PUDP: variants seen among roughly 807,000 people sequenced by gnomAD.
The protein encoded by PUDP is pseudouridine-5'-phosphatase.
In PUDP, 8 loss-of-function variants were observed where a neutral mutation model predicts 9.4. The observed-to-expected ratio is 0.85, with a 90% CI of 0.50 to 1.53. The LOEUF is 1.53. PUDP is among the 40% of genes most tolerant of loss of function. PUDP has a pLI of 0.00. For synonymous variants in PUDP, 99 were observed against 80.7 expected, an observed-to-expected ratio of 1.23 and a Z score of -1.22; for missense variants, 188 against 189.7, an observed-to-expected ratio of 0.99 and a Z score of 0.05.
intron 3 of PUDP, among the ~76,000 whole-genome samples, chrX:6,918,068 T>A (rs188739467): frequency 1.5e-4 from 17 of 112,130 alleles, no homozygotes; most frequent in Admixed American, 1.3e-3. Flanking sequence ...CTTGCCTCCA[T>A]AACATTTCCT....
intron 3 of PUDP, among the ~76,000 whole-genome samples, chrX:6,974,526 T>G (rs1423494012): frequency 8.9e-6 from 1 of 112,239 alleles, no homozygotes; most frequent in African/African-American, 3.2e-5. Flanking sequence ...TTTAAGAATG[T>G]TGAATATTGG....
intron 3 of PUDP, among the ~76,000 whole-genome samples, chrX:6,928,883 A>T (rs1928147444): frequency 9.0e-6 from 1 of 111,704 alleles, no homozygotes; most frequent in African/African-American, 3.3e-5. Flanking sequence ...CCTGGGTGAA[A>T]GAGCAAGACC....
At chrX:7,059,771 TG>T (rs2146845969) in intron 3 of PUDP, among the ~76,000 whole-genome samples, 1 of 112,116 alleles carries the variant, frequency 8.9e-6, no homozygotes, top group Admixed American at 9.4e-5. Flanking sequence ...AGCACAGCGA[TG>T]TTTGCCTGCT....
chrX:6,713,818 A>G (rs1924563198), intron 1 of PUDP, among the ~76,000 whole-genome samples: 2 of 111,252 alleles, frequency 1.8e-5, no homozygotes, highest in African/African-American at 6.5e-5. Flanking sequence ...GGAAAAGTGA[A>G]GAGCACAGCT....
intron 1 of PUDP, among the ~76,000 whole-genome samples, chrX:7,007,473 A>G (rs754911897): frequency 8.9e-6 from 1 of 112,779 alleles, no homozygotes; most frequent in East Asian, 2.8e-4. Context: ...CAATATAAGT[A>G]AAACACCAGC....
At chrX:6,777,984 C>T (rs1264277931) in intron 3 of PUDP, among the ~76,000 whole-genome samples, 1 of 111,753 alleles carries the variant, frequency 8.9e-6, no homozygotes, top group African/African-American at 3.3e-5. Context: ...TTAATAGCTT[C>T]GAAAGATACC....
At chrX:6,794,664 G>A (rs752545765) in intron 3 of PUDP, among the ~76,000 whole-genome samples, 12 of 107,247 alleles carry the variant, frequency 1.1e-4, no homozygotes, top group East Asian at 2.9e-4. Flanking sequence ...TCTGCCTCCC[G>A]GGCTCAAGCC....
chrX:7,048,504 T>C (rs916347109), downstream of PUDP, among the ~76,000 whole-genome samples: 8 of 112,362 alleles, frequency 7.1e-5, no homozygotes, highest in African/African-American at 2.6e-4. Flanking sequence ...AGCATCAGTG[T>C]GTGTCCTTTG....
intron 3 of PUDP, among the ~76,000 whole-genome samples, chrX:7,063,027 C>T (rs967881523): frequency 9.1e-6 from 1 of 109,294 alleles, no homozygotes; most frequent in African/African-American, 3.3e-5. Flanking sequence ...ATTAAGATGG[C>T]CTCATGCAAA....
chrX:6,895,929 G>A (rs1381956784), intron 3 of PUDP, among the ~76,000 whole-genome samples: 1 of 110,428 alleles, frequency 9.1e-6, no homozygotes, highest in Non-Finnish European at 1.9e-5. Context: ...GAGCTCTGTG[G>A]GGTCTCTTTT....
chrX:6,944,282 T>C lies in PUDP; in HGVS notation c.*247+32851A>G, dbSNP rs756213048. On this transcript the variant is annotated intron_variant and NMD_transcript_variant, in intron 3 of 3. Transcript: ENST00000655425. ...CTTGCTTCCTCTTTGCCTTCTGCCA[T>C]GATTGTAAGTTTTCTGAGGCCTCCC... Among the ~76,000 whole-genome samples the C allele has an allele frequency of 3.6e-5, 4 of 111,933 alleles. No homozygotes were observed. In the Admixed American group the frequency reaches 3.8e-4, roughly 11 times the overall value.
At chrX:6,791,427 C>T (rs1267944806) in intron 3 of PUDP, among the ~76,000 whole-genome samples, 1 of 110,828 alleles carries the variant, frequency 9.0e-6, no homozygotes, top group Non-Finnish European at 1.9e-5. Flanking sequence ...AGTCTGAATC[C>T]ACAGACCTGC....
At chrX:6,989,569 T>G (rs1013407225) in intron 1 of PUDP, 2 of 133,411 alleles carry the variant, frequency 1.5e-5, no homozygotes, top group African/African-American at 6.3e-5. Context: ...AATGAAGAAG[T>G]CTTATGCCAT....
intron 3 of PUDP, among the ~76,000 whole-genome samples, chrX:6,728,300 A>G (rs1241303218): frequency 9.0e-6 from 1 of 111,097 alleles, no homozygotes; most frequent in East Asian, 2.8e-4. Flanking sequence ...AGGCAGGAGG[A>G]TCACTTGAGG....
intron 3 of PUDP, among the ~76,000 whole-genome samples, chrX:6,897,393 A>T (rs1386202858): frequency 9.0e-6 from 1 of 111,611 alleles, no homozygotes; most frequent in African/African-American, 3.3e-5. Context: ...TAACAGAAGA[A>T]ATCAAAATAC....
At chrX:6,858,055 G>T (rs1926933635) in intron 3 of PUDP, among the ~76,000 whole-genome samples, 1 of 111,388 alleles carries the variant, frequency 9.0e-6, no homozygotes, top group Non-Finnish European at 1.9e-5. Flanking sequence ...AGGGTTGGGG[G>T]GATTTTCATC....
chrX:7,072,625 C>T (rs1005877217), intron 3 of PUDP, among the ~76,000 whole-genome samples: 8 of 109,315 alleles, frequency 7.3e-5, no homozygotes, highest in African/African-American at 2.7e-4. Context: ...ACCAGCCTGG[C>T]CAACATGGTG....
chrX:6,916,445 A>G (rs1353139921), intron 3 of PUDP, among the ~76,000 whole-genome samples: 1 of 106,696 alleles, frequency 9.4e-6, no homozygotes, highest in African/African-American at 3.5e-5. Flanking sequence ...AGTAGTCATC[A>G]GAACCAATCT....
At chrX:6,786,604 T>C (rs1925651825) in intron 3 of PUDP, among the ~76,000 whole-genome samples, 1 of 111,647 alleles carries the variant, frequency 9.0e-6, no homozygotes, top group East Asian at 2.8e-4. Context: ...CTACCTTGAG[T>C]CTTTGTATTT....
Sources: gnomAD v4.1 joint callset for allele counts (sites outside exome capture counted in the v4.1 genomes callset) on GRCh38, gnomAD v4.1.1 for gene constraint, MANE v1.5 for transcripts, NCBI Gene and HGNC (gene_info 2026-07-23, HGNC 2026-07-21) for gene names.